The following MUC5B variants were observed in gnomAD, a reference collection of about 807,000 sequenced individuals.
The protein encoded by MUC5B is mucin-5B.
In MUC5B, 116 loss-of-function variants were observed where a neutral mutation model predicts 376.9. The observed-to-expected ratio is 0.31, with a 90% CI of 0.26 to 0.36. The LOEUF (loss-of-function observed/expected upper bound fraction) is 0.36. MUC5B is among the 10% of genes least tolerant of loss of function. The pLI is 1.00. For missense variants in MUC5B, 7,165 were observed against 7,769.9 expected (o/e 0.92, Z 2.93); for synonymous variants, 3,517 against 3,390.9 (o/e 1.04, Z -1.29).
rs1407614963 is a variant in MUC5B at position 1,247,236 on chromosome 11, C to T, written c.10356C>T (p.Ala3452=). 5.6e-6 allele frequency: 9 copies of T among 1,612,582 alleles called. No individual in the cohort carries two copies. Among genetic ancestry groups the T allele is most frequent in the Non-Finnish European group, 6.8e-6 (8 of 1,179,560 alleles). ...CACCCCCAGTGCCGAACACCACGGC[C>T]ACCACACACGGGCGGTCCCTGCCCC... ...THTPPVPNTT[A]TTHGRSLPPS... The change falls in exon 31 of 49, where the codon GCC becomes GCT. Residue 3452 remains alanine (A), a synonymous_variant. Coordinates refer to ENST00000529681, the MANE Select transcript of MUC5B (RefSeq NM_002458.3).
chr11:1,253,055 A>G lies in MUC5B; in HGVS notation c.15217+75A>G. On this transcript the variant is annotated intron_variant, in intron 33 of 48. Transcript: ENST00000529681. The surrounding 1 kb of genome is among the most constrained non-coding windows in gnomAD (Gnocchi z 4.3). ...GTGCACCGTCGGCTAGGCTGGCAGA[A>G]TGGGGCATGGTGGGGCACAGTGGGG... The G allele has an allele frequency of 8.0e-7, 1 of 1,247,826 alleles. No homozygotes were observed. Among genetic ancestry groups the G allele is most frequent in the East Asian group, 5.1e-5 (1 of 19,734 alleles). The allele number at this position is 1,247,826 out of a possible 1,614,324, so 77.3% of individuals were successfully genotyped here.
chr11:1,226,960 G>A, intron 4 of MUC5B, 71 bp from the exon 5 acceptor site: 1 of 1,571,836 alleles, frequency 6.4e-7, no homozygotes, highest in Non-Finnish European at 8.7e-7. Context: ...CTGGGCCAGG[G>A]CTGGGGGGGG....
rs1564942188 is a variant in MUC5B at position 1,244,825 on chromosome 11, C to T, written c.7945C>T (p.Pro2649Ser). ...CACAACCAGAGGTTCCACGGTGACC[C>T]CCTCCTCCATCCCGGGGACCACCCA... ...TPTTRGSTVT[P>S]SSIPGTTHTP... Residue 2649 changes from proline to serine, a missense_variant, in exon 31 of 49, where the codon CCC (proline) becomes TCC (serine). By Grantham distance (74) the Pro-to-Ser change is moderately conservative. Around this residue, in one of 31 missense-constraint regions of MUC5B, gnomAD observed 141 missense variants for 111.2 expected, o/e 1.27. Transcript: ENST00000529681. 3.7e-6 allele frequency: 6 copies of T among 1,613,714 alleles called. No homozygotes were observed. Among genetic ancestry groups the T allele is most frequent in the Non-Finnish European group, 4.2e-6 (5 of 1,179,772 alleles).
chr11:1,256,900 C>T (rs1862853212), intron 39 of MUC5B, 129 bp downstream of exon 39: 1 of 716,388 alleles, frequency 1.4e-6, no homozygotes, highest in Admixed American at 3.0e-5. Flanking sequence ...CCTGTTCTGC[C>T]CCACCAGAGC....
At chr11:1,238,784 T>C (rs1862209684) in intron 25 of MUC5B, 87 bp from the exon 26 acceptor site, 6 of 1,402,590 alleles carry the variant, frequency 4.3e-6, no homozygotes, top group Non-Finnish European at 4.9e-6. Flanking sequence ...GAAATACAGA[T>C]GGTTCCAGCA....
In MUC5B at chr11:1,242,700, C is replaced by T. The variant is rs1195478986; in HGVS notation, c.5820C>T (p.Thr1940=). The T allele has an allele frequency of 6.2e-7, 1 of 1,613,574 alleles. No homozygotes were observed. Among genetic ancestry groups the T allele is most frequent in the East Asian group, 2.2e-5 (1 of 44,888 alleles). Residue 1940 remains threonine, a synonymous_variant, in exon 31 of 49, where the codon ACC becomes ACT. Transcript: ENST00000529681. Reference sequence around the variant, plus strand: ...CAGCTCCCCCTCCCAAAGTGCTGACCACCACGGCCACCACACCCACAGTCA... The same window carrying T: ...CAGCTCCCCCTCCCAAAGTGCTGACTACCACGGCCACCACACCCACAGTCA... ...LRTAPPPKVL[T]TTATTPTVTS... is the part of the protein sequence containing the mutation.
At position 1,240,056 on chromosome 11, in the gene MUC5B, C is replaced by A; in HGVS notation, c.3740C>A (p.Pro1247His). The change falls in exon 29 of 49, where the codon CCC (proline) becomes CAC (histidine). Residue 1247 changes from proline (P) to histidine (H), a missense_variant. Coordinates refer to ENST00000529681, the MANE Select transcript of MUC5B (RefSeq NM_002458.3). ...TCCCCCACCCCTAGTAACTGCACAC[C>A]CAGTGGCATCCAGTGCGCTCACAGC... is the stretch of plus-strand genomic sequence containing the variant. ...AENCQSCNCT[P>H]SGIQCAHSLE... 6.4e-7 allele frequency: 1 copy of A among 1,570,732 alleles called. No individual in the cohort carries two copies. The highest frequency in any genetic ancestry group is 8.6e-7 in the Non-Finnish European group (1 of 1,157,586).
intron 23 of MUC5B, 75 bp downstream of exon 23, chr11:1,235,488 C>A: frequency 1.6e-6 from 2 of 1,271,748 alleles, no homozygotes; most frequent in Non-Finnish European, 2.2e-6. Flanking sequence ...CTTCGTGAGG[C>A]TTTAGCTGCA....
intron 27 of MUC5B, 22 bp from the exon 28 acceptor site, chr11:1,239,777 C>T: frequency 1.3e-6 from 2 of 1,599,914 alleles, no homozygotes; most frequent in East Asian, 2.3e-5. Context: ...GGTGAGTCTT[C>T]TGCTCACCCT....
In MUC5B at chr11:1,231,648, C is replaced by CG. The variant is rs1010317991; in HGVS notation, c.1678+91dup. On this transcript the variant is annotated intron_variant, in intron 14 of 48. Coordinates refer to ENST00000529681, the MANE Select transcript of MUC5B (RefSeq NM_002458.3). ...GGCTGCAGGGAGGGGCAGGCAGAGG[C>CG]GGGCAGGGGACCGGGGAGGGGGCTG... The CG allele has an allele frequency of 5.0e-6, 7 of 1,409,308 alleles. No homozygotes were observed. In the Admixed American group the frequency reaches 1.6e-4, roughly 33 times the overall value. The allele number at this position is 1,409,308 out of a possible 1,614,324, so 87.3% of individuals were successfully genotyped here. A position where few individuals can be genotyped will look rare whatever the true frequency, so the allele number is the denominator to read the frequency against.
chr11:1,250,291 T>C lies in MUC5B; in HGVS notation c.13411T>C (p.Ser4471Pro), dbSNP rs1862638285. 5 of 1,611,510 alleles carry C rather than the reference T, an allele frequency of 3.1e-6. No individual in the cohort carries two copies. The highest frequency in any genetic ancestry group is 1.7e-5 in the Admixed American group (1 of 59,868). ...VPTGSTATAS[S>P]TQATAGTPHV... ...CACCGGATCCACGGCCACCGCCTCCTCCACCCAGGCAACTGCTGGCACCCC... is the reference window on the plus strand; with the variant it reads ...CACCGGATCCACGGCCACCGCCTCCCCCACCCAGGCAACTGCTGGCACCCC... Residue 4471 changes from serine to proline, a missense_variant, in exon 31 of 49, where the codon TCC becomes CCC. Coordinates refer to ENST00000529681, the MANE Select transcript of MUC5B (RefSeq NM_002458.3).
rs1252297893 is a variant in MUC5B, at chr11:1,234,739, G to A, written c.2630+59G>A. On this transcript the variant is annotated intron_variant, in intron 21 of 48. Transcript: ENST00000529681. This position sits in a 1 kb window ranked among gnomAD's most constrained non-coding sequence, Gnocchi z 6.3. ...GGAGGGCGGGGGCGGGGAGGGCAGCGGGTGGGGAGGCAGCGGGCAGGGAGG... is the reference window on the plus strand; with the variant it reads ...GGAGGGCGGGGGCGGGGAGGGCAGCAGGTGGGGAGGCAGCGGGCAGGGAGG... The A allele has an allele frequency of 7.0e-5, 62 of 888,284 alleles. No homozygotes were observed. In the East Asian group the frequency reaches 1.2e-3, roughly 17 times the overall value. 55.0% of individuals were successfully genotyped at this position (888,284 alleles called of 1,614,324 possible). A position where few individuals can be genotyped will look rare whatever the true frequency, so the allele number is the denominator to read the frequency against.
In MUC5B at chr11:1,229,559, C is replaced by T. The variant is rs1473752314; in HGVS notation, c.1103-131C>T. The T allele has an allele frequency of 3.4e-6, 3 of 877,636 alleles. No individual in the cohort carries two copies. The East Asian group carries it at 8.0e-5, about 23-fold the overall frequency. The allele number at this position is 877,636 out of a possible 1,614,324, so 54.4% of individuals were successfully genotyped here. ...TTGGTGTTCATCCAAGCGAGTGCAG[C>T]TCAGGGCGGGGGCGGTGTCCTGGAG... On this transcript the variant is annotated intron_variant, in intron 9 of 48. Transcript: ENST00000529681.
Position 1,248,302 on chromosome 11 carries a change from C to A in MUC5B, c.11422C>A (p.Arg3808Ser). Residue 3808 changes from arginine to serine, a missense_variant, in exon 31 of 49, where the codon CGC becomes AGC. By Grantham distance (110) the Arg-to-Ser change is moderately radical. Transcript: ENST00000529681. ...CTCCTCCCTGGGCACCACCTGGACC[C>A]GCCTATCACAGACCACCACACCCAC... ...PSSSLGTTWT[R>S]LSQTTTPTAT... is the part of the protein sequence containing the mutation. 5 of 1,601,156 alleles carry A rather than the reference C, an allele frequency of 3.1e-6. No individual in the cohort carries two copies. The highest frequency in any genetic ancestry group is 4.3e-6 in the Non-Finnish European group (5 of 1,171,466).
Position 1,234,020 on chromosome 11 carries a change from G to A in MUC5B, c.2377+172G>A, listed in dbSNP as rs1342588227. Among the ~76,000 whole-genome samples, 1 of 152,212 alleles carries A rather than the reference G, an allele frequency of 6.6e-6. No homozygotes were observed. The highest frequency in any genetic ancestry group is 1.5e-5 in the Non-Finnish European group (1 of 68,018). On this transcript the variant is annotated intron_variant, in intron 19 of 48. Transcript: ENST00000529681. This position sits in a 1 kb window ranked among gnomAD's most constrained non-coding sequence, Gnocchi z 6.3. ...TGCCCTGACACGCCAGGGACGGAGG[G>A]GCCAGTGGGTCTCTGCCCCGCAGTG...
Position 1,249,142 on chromosome 11 carries a change from G to C in MUC5B, c.12262G>C (p.Gly4088Arg). ...CCCTTCCCCAGGGACGACCACCCCG[G>C]GCCACACCACGGCCACCTCCAGGAC... The part of the protein sequence containing the change: ...SPPSPGTTTP[G>R]HTTATSRTTA... The change falls in exon 31 of 49, where the codon GGC (glycine) becomes CGC (arginine). Residue 4088 changes from glycine (G) to arginine (R), a missense_variant. By Grantham distance (125) the Gly-to-Arg change is moderately radical. Coordinates refer to ENST00000529681, the MANE Select transcript of MUC5B (RefSeq NM_002458.3). 1 of 1,609,208 alleles carries C rather than the reference G, an allele frequency of 6.2e-7. No individual in the cohort carries two copies. The highest frequency in any genetic ancestry group is 8.5e-7 in the Non-Finnish European group (1 of 1,179,014).
rs1170347492 is a variant in MUC5B at position 1,258,649 on chromosome 11, G to A, written c.16593+282G>A. Among the ~76,000 whole-genome samples, 3 of 151,966 alleles carry A rather than the reference G, an allele frequency of 2.0e-5. No individual in the cohort carries two copies. The highest frequency in any genetic ancestry group is 2.9e-5 in the Non-Finnish European group (2 of 67,960). ...ACTGGCCTGGGGTCCCCGCCTGCCC[G>A]CCCAGATTCCTACCCGCCCGGATTC... On this transcript the variant is annotated intron_variant, in intron 43 of 48. Coordinates refer to ENST00000529681, the MANE Select transcript of MUC5B (RefSeq NM_002458.3). This position sits in a 1 kb window ranked among gnomAD's most constrained non-coding sequence, Gnocchi z 5.5.
Position 1,232,516 on chromosome 11 carries a change from C to A in MUC5B, c.1910C>A (p.Ser637Tyr). Residue 637 changes from serine (S) to tyrosine (Y), a missense_variant, in exon 16 of 49, where the codon TCC becomes TAC. Physicochemically the swap from Ser to Tyr is moderately radical, Grantham distance 144. Coordinates refer to ENST00000529681, the MANE Select transcript of MUC5B (RefSeq NM_002458.3). Reference sequence around the variant, plus strand: ...AACAGTGCCTTCTCGCGCTGCCACTCCATCATCAACCCCAAGCCCTTCCAC... The same window carrying A: ...AACAGTGCCTTCTCGCGCTGCCACTACATCATCAACCCCAAGCCCTTCCAC... Reference protein sequence around the residue: ...DPNSAFSRCHSIINPKPFHSN... With the variant: ...DPNSAFSRCHYIINPKPFHSN... The A allele has an allele frequency of 6.2e-7, 1 of 1,611,256 alleles. No individual in the cohort carries two copies. Among genetic ancestry groups the A allele is most frequent in the Non-Finnish European group, 8.5e-7 (1 of 1,179,264 alleles).
chr11:1,231,930 T>C (rs1249797950), intron 14 of MUC5B, 66 bp from the exon 15 acceptor site: 1 of 1,598,408 alleles, frequency 6.3e-7, no homozygotes, highest in African/African-American at 1.3e-5. Flanking sequence ...CCTGGAGGGA[T>C]GGCAGGGGCC....
Sources: allele counts gnomAD v4.1 joint callset (sites outside exome capture counted in the v4.1 genomes callset), GRCh38; gene constraint gnomAD v4.1.1; regional missense constraint gnomAD v4.1.1; non-coding constraint Gnocchi (gnomAD v3.1); transcripts MANE v1.5; gene names NCBI Gene and HGNC (gene_info 2026-07-23, HGNC 2026-07-21).